ACMSD: variants seen among roughly 807,000 people sequenced by gnomAD.
ACMSD encodes the protein aminocarboxymuconate semialdehyde decarboxylase, also known as 2-amino-3-carboxymuconate-6-semialdehyde decarboxylase.
Under a neutral mutation model 45.9 loss-of-function variants are expected in ACMSD, and 37 were observed. That is an observed-to-expected ratio of 0.81 (90% CI 0.62 to 1.06). The LOEUF (loss-of-function observed/expected upper bound fraction) is 1.06. ACMSD is among the 50% of genes least tolerant of loss of function. The probability of loss-of-function intolerance (pLI) is 0.00; values close to 1 mark genes in which losing one functional copy is unlikely to be tolerated. For missense variants in ACMSD, 434 were observed against 420.9 expected (o/e 1.03, Z -0.27); for synonymous variants, 138 against 148.8 (o/e 0.93, Z 0.53).
intron 2 of ACMSD, among the ~76,000 whole-genome samples, chr2:134,855,852 G>A (rs940040327): frequency 1.3e-5 from 2 of 152,216 alleles, no homozygotes; most frequent in African/African-American, 4.8e-5. Flanking sequence ...CTATGGAGTA[G>A]AAGGATGAAG....
At chr2:134,864,707 C>T (rs1688014969) in intron 5 of ACMSD, among the ~76,000 whole-genome samples, 1 of 152,038 alleles carries the variant, frequency 6.6e-6, no homozygotes, top group African/African-American at 2.4e-5. Context: ...TTTGATGAAA[C>T]TAGGTGGTGG....
chr2:134,854,843 C>CA (rs1362469771), intron 2 of ACMSD, among the ~76,000 whole-genome samples: 1 of 152,160 alleles, frequency 6.6e-6, no homozygotes, highest in Non-Finnish European at 1.5e-5. Flanking sequence ...GGCTTAAACT[C>CA]AGAGGGCCCG....
At chr2:134,860,875 AAAAAAT>A (rs1296261449) in intron 3 of ACMSD, among the ~76,000 whole-genome samples, 2 of 133,410 alleles carry the variant, frequency 1.5e-5, no homozygotes, top group African/African-American at 5.4e-5. Context: ...AAAAAAAAAA[AAAAAAT>A]TATCTAGGTG....
At chr2:134,861,873 T>C in intron 3 of ACMSD, 96 bp from the exon 4 acceptor site, 2 of 1,342,092 alleles carry the variant, frequency 1.5e-6, no homozygotes, top group East Asian at 2.3e-5. Context: ...AGGAGGAGTT[T>C]AGGGTGGAGG....
chr2:134,849,939 C>T (rs770407520), intron 2 of ACMSD, among the ~76,000 whole-genome samples: 3 of 149,486 alleles, frequency 2.0e-5, no homozygotes, highest in African/African-American at 7.5e-5. Flanking sequence ...GAAACACACA[C>T]TGAGTTCATC....
At chr2:134,895,328 T>TTATA (rs199775999) in intron 8 of ACMSD, among the ~76,000 whole-genome samples, 21 of 141,584 alleles carry the variant, frequency 1.5e-4, no homozygotes, top group African/African-American at 5.5e-4. Context: ...TATATATATG[T>TTATA]TATATATATA....
chr2:134,872,132 T>G (rs570449565), intron 7 of ACMSD, among the ~76,000 whole-genome samples: 3 of 152,180 alleles, frequency 2.0e-5, no homozygotes, highest in African/African-American at 7.2e-5. Flanking sequence ...AATTTTTTTG[T>G]ATTTTTAGTA....
In ACMSD at chr2:134,867,639, C is replaced by A. The variant is rs370807501; in HGVS notation, c.547C>A (p.Arg183=). 6.2e-7 allele frequency: 1 copy of A among 1,613,514 alleles called. No homozygotes were observed. The highest frequency in any genetic ancestry group is 8.5e-7 in the Non-Finnish European group (1 of 1,179,702). The part of the protein sequence containing the change: ...VHPWDMQMDG[R]MAKYWLPWLV... Reference sequence around the variant, plus strand: ...TCCCTGGGACATGCAGATGGATGGACGAATGGCCAAATACTGGCTCCCTTG... The same window carrying A: ...TCCCTGGGACATGCAGATGGATGGAAGAATGGCCAAATACTGGCTCCCTTG... Residue 183 remains arginine (R), a synonymous_variant, in exon 6 of 10, where the codon CGA becomes AGA. Coordinates refer to ENST00000356140, the MANE Select transcript of ACMSD (RefSeq NM_138326.3).
intron 1 of ACMSD, among the ~76,000 whole-genome samples, chr2:134,843,951 T>C (rs1573612665): frequency 6.6e-6 from 1 of 152,322 alleles, no homozygotes; most frequent in Admixed American, 6.5e-5. Flanking sequence ...TCACACGCAA[T>C]GATGTGGCCC....
At chr2:134,866,027 T>C (rs1318893452) in intron 5 of ACMSD, among the ~76,000 whole-genome samples, 1 of 152,226 alleles carries the variant, frequency 6.6e-6, no homozygotes, top group Non-Finnish European at 1.5e-5. Flanking sequence ...TCTCAGTCAA[T>C]GTTAATTATA....
At chr2:134,883,671 T>C (rs1689168489) in intron 8 of ACMSD, among the ~76,000 whole-genome samples, 1 of 152,096 alleles carries the variant, frequency 6.6e-6, no homozygotes, top group East Asian at 1.9e-4. Context: ...ATTTTTGATT[T>C]TGTAGAGACA....
chr2:134,881,016 T>C (rs377586894), intron 8 of ACMSD, among the ~76,000 whole-genome samples: 1 of 152,260 alleles, frequency 6.6e-6, no homozygotes, highest in Non-Finnish European at 1.5e-5. Context: ...TTTATTTATT[T>C]AGAGACAAAG....
chr2:134,897,765 G>A (rs1690248322), intron 8 of ACMSD, among the ~76,000 whole-genome samples: 1 of 151,890 alleles, frequency 6.6e-6, no homozygotes, highest in Admixed American at 6.6e-5. Flanking sequence ...TGTATAAAGT[G>A]TCAAATGGAA....
At chr2:134,838,775 C>T (rs1432690701) in intron 1 of ACMSD, 36 bp downstream of exon 1, 2 of 1,526,530 alleles carry the variant, frequency 1.3e-6, no homozygotes, top group Non-Finnish European at 1.8e-6. Flanking sequence ...ATTTCTGAAA[C>T]TTCTCCAGGG....
At chr2:134,885,285 T>TAA (rs10636216) in intron 8 of ACMSD, among the ~76,000 whole-genome samples, 121 of 104,358 alleles carry the variant, frequency 1.2e-3, no homozygotes, top group Middle Eastern at 4.1e-3. Flanking sequence ...ATATTATATA[T>TAA]TATATTTATA....
At chr2:134,894,789 A>T (rs941524043) in intron 8 of ACMSD, among the ~76,000 whole-genome samples, 1 of 152,162 alleles carries the variant, frequency 6.6e-6, no homozygotes, top group African/African-American at 2.4e-5. Flanking sequence ...GAAGAGAAGG[A>T]AAAAAATTTT....
chr2:134,865,115 G>A (rs1688036302), intron 5 of ACMSD, among the ~76,000 whole-genome samples: 1 of 152,174 alleles, frequency 6.6e-6, no homozygotes, highest in South Asian at 2.1e-4. Context: ...ATTTACTGAG[G>A]TCTAACTACA....
At chr2:134,890,119 C>T (rs965255563) in intron 8 of ACMSD, among the ~76,000 whole-genome samples, 2 of 151,918 alleles carry the variant, frequency 1.3e-5, no homozygotes, top group African/African-American at 4.8e-5. Flanking sequence ...CCACAAATTG[C>T]TTATTAATCA....
intron 8 of ACMSD, among the ~76,000 whole-genome samples, chr2:134,891,361 A>C (rs1482549398): frequency 6.6e-6 from 1 of 152,082 alleles, no homozygotes; most frequent in Non-Finnish European, 1.5e-5. Flanking sequence ...GTGGCAATCC[A>C]ATTTTCTCAT....
Sources: allele counts gnomAD v4.1 joint callset (sites outside exome capture counted in the v4.1 genomes callset), GRCh38; gene constraint gnomAD v4.1.1; transcripts MANE v1.5; gene names NCBI Gene and HGNC (gene_info 2026-07-23, HGNC 2026-07-21).